Variants in GGH observed in about 807,000 individuals in gnomAD.
The protein encoded by GGH is gamma-glutamyl hydrolase, also known as gamma-Glu-X carboxypeptidase.
A neutral mutation model predicts 39.2 loss-of-function variants in GGH; 18 were observed. The ratio of observed to expected loss-of-function variants is 0.46; its 90% CI spans 0.32 to 0.68. The LOEUF (loss-of-function observed/expected upper bound fraction) is 0.68. Ranked by LOEUF, GGH falls within the 30% of genes least tolerant of loss-of-function variation. The pLI is 0.04. For missense variants in GGH, 367 were observed against 384.1 expected, an observed-to-expected ratio of 0.96 and a Z score of 0.37; for synonymous variants, 147 against 138.8, an observed-to-expected ratio of 1.06 and a Z score of -0.42.
intron 7 of GGH, among the ~76,000 whole-genome samples, chr8:63,023,005 A>C (rs1435900863): frequency 6.6e-6 from 1 of 152,140 alleles, no homozygotes; most frequent in East Asian, 1.9e-4. Context: ...GTTCTCATTC[A>C]CAGTGCTTGC....
chr8:63,016,760 C>T (rs895179063), intron 8 of GGH, among the ~76,000 whole-genome samples: 5 of 152,200 alleles, frequency 3.3e-5, no homozygotes, highest in Non-Finnish European at 5.9e-5. Flanking sequence ...AAGAAATAGG[C>T]ATCTACAACC....
intron 7 of GGH, chr8:63,017,921 C>T: frequency 3.9e-6 from 1 of 256,980 alleles, no homozygotes; most frequent in Non-Finnish European, 7.3e-6. Flanking sequence ...GTCCAAAAGT[C>T]AGATGCACAT....
chr8:63,017,041 A>G (rs1217372523), intron 8 of GGH, among the ~76,000 whole-genome samples: 1 of 152,168 alleles, frequency 6.6e-6, no homozygotes, highest in Non-Finnish European at 1.5e-5. Context: ...TCCAAGAAGA[A>G]AGAGCTTGGT....
At chr8:63,020,252 T>A (rs1196374628) in intron 7 of GGH, among the ~76,000 whole-genome samples, 1 of 152,186 alleles carries the variant, frequency 6.6e-6, no homozygotes. Flanking sequence ...TAATAAAGCA[T>A]CTCAAGTGTT....
chr8:63,018,760 A>G (rs1804532591), intron 7 of GGH, among the ~76,000 whole-genome samples: 1 of 152,216 alleles, frequency 6.6e-6, no homozygotes, highest in South Asian at 2.1e-4. Context: ...ACCTTCTAGT[A>G]TATTGGATAT....
At chr8:63,032,990 G>A (rs1442342801) in intron 2 of GGH, among the ~76,000 whole-genome samples, 2 of 152,154 alleles carry the variant, frequency 1.3e-5, no homozygotes, top group African/African-American at 2.4e-5. Flanking sequence ...CACCACCAGT[G>A]TAAGCCAAGC....
chr8:63,022,597 C>T (rs1322241676), intron 7 of GGH, among the ~76,000 whole-genome samples: 2 of 151,746 alleles, frequency 1.3e-5, no homozygotes, highest in Non-Finnish European at 2.9e-5. Flanking sequence ...CTCTGTCGTC[C>T]AGGCTGGAGT....
intron 1 of GGH, 53 bp downstream of exon 1, chr8:63,038,605 CAG>C: frequency 3.2e-6 from 3 of 942,044 alleles, no homozygotes; most frequent in Non-Finnish European, 3.0e-6. Context: ...GGGAGGCGCC[CAG>C]CGCCAACACC....
chr8:63,035,872 C>A, intron 1 of GGH, 102 bp from the exon 2 acceptor site: 3 of 1,069,470 alleles, frequency 2.8e-6, no homozygotes, highest in South Asian at 3.2e-5. Flanking sequence ...TATTTCAATC[C>A]ACAGAATTAA....
intron 7 of GGH, among the ~76,000 whole-genome samples, chr8:63,023,050 C>A (rs1455949797): frequency 6.6e-6 from 1 of 152,148 alleles, no homozygotes; most frequent in Non-Finnish European, 1.5e-5. Context: ...GTGAAGCACT[C>A]ATTTTCCTTC....
Position 63,017,536 on chromosome 8 carries a change from AGCATTAGGT to A in GGH, c.783_791del (p.Pro262_Ala264del). 1.2e-6 allele frequency: 2 copies of A among 1,610,764 alleles called. No individual in the cohort carries two copies. The highest frequency in any genetic ancestry group is 8.5e-7 in the Non-Finnish European group (1 of 1,177,670). Reference sequence around the variant, plus strand: ...CTGCTAAATAAAATGCGGTTTTCACAGCATTAGGTGCATGGGAAATGCCATCCAAATTCT... The same window carrying A: ...CTGCTAAATAAAATGCGGTTTTCACAGCATGGGAAATGCCATCCAAATTCT... On this transcript the variant is annotated inframe_deletion, in exon 8 of 9. Transcript: ENST00000260118.
Position 63,030,957 on chromosome 8 carries a change from C to G in GGH, c.225-740G>C, listed in dbSNP as rs147937249. Among the ~76,000 whole-genome samples, 487 of 152,218 alleles carry G rather than the reference C, an allele frequency of 3.2e-3. 4 individuals are homozygous for G. The highest frequency in any genetic ancestry group is 0.011 in the African/African-American group (443 of 41,520). On this transcript the variant is annotated intron_variant, in intron 2 of 8. Transcript: ENST00000260118. Reference sequence around the variant, plus strand: ...ACTAAGTCACAGATATCTGCTCTCCCGAAAGTTCAATAAAATGCAACAATA... The same window carrying G: ...ACTAAGTCACAGATATCTGCTCTCCGGAAAGTTCAATAAAATGCAACAATA...
Position 63,026,254 on chromosome 8 carries a change from G to A in GGH, c.403C>T (p.Leu135Phe), listed in dbSNP as rs1293176203. 1.2e-6 allele frequency: 2 copies of A among 1,609,722 alleles called. No individual in the cohort carries two copies. Among genetic ancestry groups the A allele is most frequent in the Non-Finnish European group, 8.5e-7 (1 of 1,177,068 alleles). ...AGCAGTGAAAGCTCTTCAAATCCAA[G>A]GCATGTGCCCCACACAGGAAAATAG... Reference protein sequence around the residue: ...GDYFPVWGTCLGFEELSLLIS... With the variant: ...GDYFPVWGTCFGFEELSLLIS... Residue 135 changes from leucine to phenylalanine, a missense_variant, in exon 5 of 9, where the codon CTT becomes TTT. Physicochemically the swap from Leu to Phe is conservative, Grantham distance 22. Coordinates refer to ENST00000260118, the MANE Select transcript of GGH (RefSeq NM_003878.3).
intron 3 of GGH, among the ~76,000 whole-genome samples, chr8:63,027,475 C>A (rs1456313942): frequency 2.0e-5 from 3 of 152,136 alleles, no homozygotes; most frequent in African/African-American, 7.2e-5. Flanking sequence ...CACTTTAGTG[C>A]ATATTTTCCA....
intron 2 of GGH, among the ~76,000 whole-genome samples, chr8:63,034,059 T>C (rs532413239): frequency 1.2e-4 from 18 of 148,090 alleles, no homozygotes. Flanking sequence ...TTTATATATA[T>C]CTCCCATCCA....
chr8:63,026,899 G>C, intron 4 of GGH: 1 of 349,628 alleles, frequency 2.9e-6, no homozygotes, highest in Non-Finnish European at 5.1e-6. Flanking sequence ...AGGACAGAGA[G>C]AGACATCAGA....
intron 7 of GGH, among the ~76,000 whole-genome samples, chr8:63,021,750 T>C (rs1804590328): frequency 6.9e-6 from 1 of 144,262 alleles, no homozygotes; most frequent in Admixed American, 7.3e-5. Flanking sequence ...CTCAGCTCAC[T>C]GAAACCTCCG....
intron 1 of GGH, among the ~76,000 whole-genome samples, chr8:63,037,682 G>A (rs1416005909): frequency 6.6e-6 from 1 of 152,126 alleles, no homozygotes; most frequent in Non-Finnish European, 1.5e-5. Context: ...CTGATTCTAG[G>A]AAAGGGGAAG....
At chr8:63,027,431 T>C (rs1804708014) in intron 3 of GGH, among the ~76,000 whole-genome samples, 166 bp from the exon 4 acceptor site, 1 of 152,206 alleles carries the variant, frequency 6.6e-6, no homozygotes, top group South Asian at 2.1e-4. Context: ...ATAAAATATT[T>C]ACAATCCCAT....
Sources: gnomAD v4.1 joint callset for allele counts (sites outside exome capture counted in the v4.1 genomes callset) on GRCh38, gnomAD v4.1.1 for gene constraint, MANE v1.5 for transcripts, NCBI Gene and HGNC (gene_info 2026-07-23, HGNC 2026-07-21) for gene names.